Variants in PPP1R21 observed in about 807,000 individuals in gnomAD.
PPP1R21 encodes the protein KLRAQ motif containing 1.
In PPP1R21, 85 loss-of-function variants were observed where a neutral mutation model predicts 112.8. The observed-to-expected ratio is 0.75, with a 90% CI of 0.63 to 0.90. The LOEUF (loss-of-function observed/expected upper bound fraction) is 0.90. PPP1R21 is among the 40% of genes least tolerant of loss of function. The pLI is 0.00. For missense variants in PPP1R21, 1,199 were observed against 901.5 expected, an observed-to-expected ratio of 1.33 and a Z score of -4.23; for synonymous variants, 381 against 322.3, an observed-to-expected ratio of 1.18 and a Z score of -1.95.
At chr2:48,442,192 G>C (rs1667059861) in intron 1 of PPP1R21, among the ~76,000 whole-genome samples, 1 of 152,172 alleles carries the variant, frequency 6.6e-6, no homozygotes, top group African/African-American at 2.4e-5. Flanking sequence ...AAGTTGTTTG[G>C]AACAAATCCA....
intron 1 of PPP1R21, among the ~76,000 whole-genome samples, chr2:48,443,607 C>T (rs750225429): frequency 6.6e-6 from 1 of 152,192 alleles, no homozygotes. Flanking sequence ...GTCATCTCCC[C>T]TATTGGACCA....
At position 48,477,556 on chromosome 2, in the gene PPP1R21, A is replaced by G. The variant is rs1022768176; in HGVS notation, c.1226-2368A>G. The stretch of plus-strand genomic sequence containing the variant: ...CAGTTGACTGTAGATATATGGATTT[A>G]TTTCTGGATTCTCAGGTCTATTTCA... On this transcript the variant is annotated intron_variant, in intron 12 of 21. Coordinates refer to ENST00000294952, the MANE Select transcript of PPP1R21 (RefSeq NM_001135629.3). Among the ~76,000 whole-genome samples, 26 of 151,952 alleles carry G rather than the reference A, an allele frequency of 1.7e-4. No individual in the cohort carries two copies. In the Middle Eastern group the frequency reaches 0.017, roughly 99 times the overall value.
intron 15 of PPP1R21, among the ~76,000 whole-genome samples, chr2:48,491,809 CTA>C (rs1459181774): frequency 6.6e-6 from 1 of 151,608 alleles, no homozygotes; most frequent in Non-Finnish European, 1.5e-5. Flanking sequence ...AAAATTGTAT[CTA>C]TAAAATACAT....
chr2:48,445,737 A>G (rs900535629), intron 1 of PPP1R21, among the ~76,000 whole-genome samples: 1 of 152,236 alleles, frequency 6.6e-6, no homozygotes, highest in African/African-American at 2.4e-5. Flanking sequence ...AAAGGATGCC[A>G]TTTGAGGCAG....
chr2:48,469,335 CAT>C (rs201153843), intron 9 of PPP1R21, among the ~76,000 whole-genome samples: 2,545 of 14,458 alleles, frequency 0.18, 416 homozygotes, highest in Non-Finnish European at 0.22. Context: ...ATATATAGAG[CAT>C]ATATATATAT....
chr2:48,451,019 G>A lies in PPP1R21; in HGVS notation c.69G>A (p.Gln23=), dbSNP rs559310077. The change falls in exon 2 of 22, where the codon CAG becomes CAA. Residue 23 remains glutamine (Q), a synonymous_variant. Coordinates refer to ENST00000294952, the MANE Select transcript of PPP1R21 (RefSeq NM_001135629.3). ...LAQEYSKLRA[Q]NQVLKKGVVD... is the part of the protein sequence containing the mutation. ...TTCTCTGTTTTCAGCTTCGGGCTCA[G>A]AATCAGGTTCTGAAAAAAGGTGTTG... 1 of 1,613,642 alleles carries A rather than the reference G, an allele frequency of 6.2e-7. No homozygotes were observed. The highest frequency in any genetic ancestry group is 1.1e-5 in the South Asian group (1 of 91,058).
Position 48,469,261 on chromosome 2 carries a change from T to TTGTG in PPP1R21, c.898-1794_898-1791dup, listed in dbSNP as rs745866100. The stretch of plus-strand genomic sequence containing the variant: ...GCCAAACCATATCAATATATTTGAA[T>TTGTG]TGTGTGTGTGTGTGTGTGTGTGTGT... On this transcript the variant is annotated intron_variant, in intron 9 of 21. Coordinates refer to ENST00000294952, the MANE Select transcript of PPP1R21 (RefSeq NM_001135629.3). 2.8e-3 allele frequency among the ~76,000 whole-genome samples: 130 copies of TTGTG among 46,234 alleles called. 3 individuals carry two copies. The highest frequency in any genetic ancestry group is 0.013 in the Middle Eastern group (1 of 80). The allele number at this position is 46,234 out of a possible 152,430, so 30.3% of individuals were successfully genotyped here.
At chr2:48,443,955 G>T (rs1667144195) in intron 1 of PPP1R21, among the ~76,000 whole-genome samples, 1 of 152,170 alleles carries the variant, frequency 6.6e-6, no homozygotes. Context: ...GACATTGGCA[G>T]AGTCTTCTCA....
At chr2:48,460,026 G>T (rs777458158) in intron 5 of PPP1R21, 69 bp from the exon 6 acceptor site, 36 of 1,599,306 alleles carry the variant, frequency 2.3e-5, no homozygotes, top group Non-Finnish European at 3.0e-5. Flanking sequence ...TGCCTGCAGG[G>T]TCTTACTAAG....
Position 48,459,754 on chromosome 2 carries a change from T to C in PPP1R21, c.376T>C (p.Phe126Leu). 1 of 1,608,124 alleles carries C rather than the reference T, an allele frequency of 6.2e-7. No homozygotes were observed. Among genetic ancestry groups the C allele is most frequent in the Non-Finnish European group, 8.5e-7 (1 of 1,178,322 alleles). ...IEENERLHIQ[F>L]FEADEQHKHV... ...AGAGAAAATGGTCTTCTCTTTTTAG[T>C]TTTTTGAAGCTGATGAGCAGCACAA... The change falls in exon 5 of 22, where the codon TTT becomes CTT. Residue 126 changes from phenylalanine (F) to leucine (L), a missense_variant and splice_region_variant. By Grantham distance (22) the Phe-to-Leu change is conservative. Transcript: ENST00000294952.
chr2:48,511,619 T>C, intron 21 of PPP1R21, 151 bp downstream of exon 21: 1 of 909,300 alleles, frequency 1.1e-6, no homozygotes, highest in East Asian at 2.8e-5. Flanking sequence ...CCCAGTACTT[T>C]GGGAGGCTGA....
In PPP1R21 at chr2:48,450,996, C is replaced by T; in HGVS notation, c.58-12C>T. 6.2e-7 allele frequency: 1 copy of T among 1,611,854 alleles called. No individual in the cohort carries two copies. The highest frequency in any genetic ancestry group is 1.3e-5 in the African/African-American group (1 of 74,962). On this transcript the variant is annotated splice_polypyrimidine_tract_variant and intron_variant, in intron 1 of 21. Transcript: ENST00000294952. ...TATATTAGAAATTGATTATTGCTTT[C>T]TCTGTTTTCAGCTTCGGGCTCAGAA...
At chr2:48,471,440 A>G in intron 11 of PPP1R21, 73 bp downstream of exon 11, 17 of 1,397,918 alleles carry the variant, frequency 1.2e-5, no homozygotes, top group Non-Finnish European at 1.6e-5. Flanking sequence ...TTAATAAAAT[A>G]TTAACATGTG....
rs924295227 is a variant in PPP1R21, at chr2:48,454,439, C to T, written c.127-156C>T. On this transcript the variant is annotated intron_variant, in intron 2 of 21. Transcript: ENST00000294952. ...CAAAAGATTATCTTTTCACAAAGTG[C>T]TAAAAACTTAAGAACTGAAGTGATA... 3.7e-6 allele frequency: 3 copies of T among 805,150 alleles called. No homozygotes were observed. In the African/African-American group the frequency reaches 5.2e-5, roughly 14 times the overall value. The allele number at this position is 805,150 out of a possible 1,614,324, so 49.9% of individuals were successfully genotyped here. A position where few individuals can be genotyped will look rare whatever the true frequency, so the allele number is the denominator to read the frequency against.
chr2:48,492,789 G>C (rs149845689), intron 15 of PPP1R21, among the ~76,000 whole-genome samples: 252 of 152,204 alleles, frequency 1.7e-3, no homozygotes, highest in African/African-American at 5.9e-3. Flanking sequence ...TCAAATTTTG[G>C]CATGTTTTTC....
intron 11 of PPP1R21, among the ~76,000 whole-genome samples, chr2:48,473,274 A>G (rs34542838): frequency 0.093 from 14,065 of 151,660 alleles, 739 homozygotes; most frequent in Non-Finnish European, 0.12. Flanking sequence ...ATTTTAGATC[A>G]TTATATGTTA....
chr2:48,512,036 A>G (rs532888495), intron 21 of PPP1R21, among the ~76,000 whole-genome samples: 41 of 152,274 alleles, frequency 2.7e-4, no homozygotes, highest in African/African-American at 9.6e-4. Flanking sequence ...CATTTCTCCT[A>G]CTGTTGCAGA....
chr2:48,476,364 T>C (rs1668755393), intron 12 of PPP1R21, among the ~76,000 whole-genome samples: 2 of 152,228 alleles, frequency 1.3e-5, no homozygotes, highest in Non-Finnish European at 2.9e-5. Flanking sequence ...TAGTGGACAT[T>C]TGGGTTGTTT....
intron 15 of PPP1R21, among the ~76,000 whole-genome samples, chr2:48,493,614 T>A (rs1558502097): frequency 6.6e-6 from 1 of 150,780 alleles, no homozygotes; most frequent in Non-Finnish European, 1.5e-5. Flanking sequence ...AAATAAATTT[T>A]TAGATTTGGA....
Sources: allele counts gnomAD v4.1 joint callset (sites outside exome capture counted in the v4.1 genomes callset), GRCh38; gene constraint gnomAD v4.1.1; transcripts MANE v1.5; gene names NCBI Gene and HGNC (gene_info 2026-07-23, HGNC 2026-07-21).